Variants in CHRDL1 observed in about 807,000 individuals in gnomAD.
CHRDL1 encodes chordin-like protein 1.
In CHRDL1, 19 loss-of-function variants were observed where a neutral mutation model predicts 40.9. The observed-to-expected ratio is 0.46, with a 90% confidence interval of 0.32 to 0.68. The LOEUF (loss-of-function observed/expected upper bound fraction) is 0.68, where lower values mean the gene tolerates loss of function less well. Among genes scored for constraint, CHRDL1 ranks in the 30% least tolerant of loss-of-function variants. The pLI, the probability that CHRDL1 is intolerant of heterozygous loss-of-function variation, is 0.03. For synonymous variants in CHRDL1, 136 were observed against 123.4 expected (o/e 1.10, Z -0.68); for missense variants, 329 against 352.1 (o/e 0.93, Z 0.53).
At chrX:110,755,643 C>T (rs984641984) in intron 4 of CHRDL1, among the ~76,000 whole-genome samples, 23 of 112,012 alleles carry the variant, frequency 2.1e-4, no homozygotes, top group African/African-American at 7.5e-4. Flanking sequence ...CTGGGGTATA[C>T]AGTTTGCTTA....
chrX:110,688,096 A>G (rs2070063633), intron 9 of CHRDL1, among the ~76,000 whole-genome samples: 1 of 111,334 alleles, frequency 9.0e-6, no homozygotes, highest in Non-Finnish European at 1.9e-5. Context: ...TAATTTTTCT[A>G]AACTTTCAAT....
At chrX:110,698,209 T>A (rs2070440474) in intron 7 of CHRDL1, among the ~76,000 whole-genome samples, 1 of 111,363 alleles carries the variant, frequency 9.0e-6, no homozygotes, top group Non-Finnish European at 1.9e-5. Flanking sequence ...GCAAAGGATA[T>A]TCAGAAGGGA....
At chrX:110,679,542 G>A in intron 10 of CHRDL1, 117 bp from the exon 11 acceptor site, 1 of 511,331 alleles carries the variant, frequency 2.0e-6, no homozygotes, top group Non-Finnish European at 3.4e-6. Context: ...AGAGTATCGA[G>A]TTGGGCTGTG....
At chrX:110,765,031 C>T (rs890480140) in intron 2 of CHRDL1, among the ~76,000 whole-genome samples, 1 of 111,445 alleles carries the variant, frequency 9.0e-6, no homozygotes, top group African/African-American at 3.3e-5. Flanking sequence ...CTGCTTTTGC[C>T]CTTTGAGTTG....
At chrX:110,697,386 G>A (rs993789749) in intron 7 of CHRDL1, among the ~76,000 whole-genome samples, 1 of 111,011 alleles carries the variant, frequency 9.0e-6, no homozygotes, top group Non-Finnish European at 1.9e-5. Context: ...ACCATTTGGG[G>A]AAACTGGGCA....
At chrX:110,686,891 C>CAAAAAAAAAAAAAAAAA (rs754055781) in intron 9 of CHRDL1, among the ~76,000 whole-genome samples, 2 of 85,353 alleles carry the variant, frequency 2.3e-5, no homozygotes, top group African/African-American at 5.4e-5. Context: ...CTCAAAAAAA[C>CAAAAAAAAAAAAAAAAA]AAAAAATAAA....
intron 2 of CHRDL1, among the ~76,000 whole-genome samples, chrX:110,765,831 C>A (rs1170922671): frequency 8.9e-6 from 1 of 111,773 alleles, no homozygotes. Flanking sequence ...TTAAACTATA[C>A]CTTGGAACAA....
chrX:110,676,367 A>G lies in CHRDL1; in HGVS notation c.1247-6T>C. Reference sequence around the variant, plus strand: ...GGTGAAGATCTTCCACTGGCCTAAAAGGCAAACAAACGCAAAGTGGCCGGG... The same window carrying G: ...GGTGAAGATCTTCCACTGGCCTAAAGGGCAAACAAACGCAAAGTGGCCGGG... On this transcript the variant is annotated splice_region_variant and splice_polypyrimidine_tract_variant and intron_variant, in intron 11 of 11. Transcript: ENST00000372042. 19 of 1,209,840 alleles carry G rather than the reference A, an allele frequency of 1.6e-5. No homozygotes were observed. Among genetic ancestry groups the G allele is most frequent in the Non-Finnish European group, 2.0e-5 (18 of 894,381 alleles).
At chrX:110,774,082 T>C (rs1019237116) in intron 2 of CHRDL1, among the ~76,000 whole-genome samples, 4 of 112,072 alleles carry the variant, frequency 3.6e-5, no homozygotes, top group African/African-American at 1.3e-4. Flanking sequence ...AGGACTGTTA[T>C]GTTTTCTTGG....
intron 6 of CHRDL1, among the ~76,000 whole-genome samples, chrX:110,702,833 C>T (rs1254232580): frequency 9.0e-6 from 1 of 111,561 alleles, no homozygotes; most frequent in Non-Finnish European, 1.9e-5. Flanking sequence ...ATTAGAATCC[C>T]CCCATGACAG....
Position 110,788,191 on chromosome X carries a change from T to C in CHRDL1, c.94+3897A>G, listed in dbSNP as rs149480964. Among the ~76,000 whole-genome samples the C allele has an allele frequency of 8.1e-3, 908 of 112,298 alleles. 2 individuals are homozygous for C. The highest frequency in any genetic ancestry group is 0.013 in the Non-Finnish European group (712 of 53,213). ...AAGCAACAAATGGCTCATTCATCCA[T>C]TGCAATGCACTATCAGTATTTTCGG... On this transcript the variant is annotated intron_variant, in intron 2 of 11. Transcript: ENST00000372042.
chrX:110,738,765 GA>G (rs1479981354), intron 4 of CHRDL1, among the ~76,000 whole-genome samples: 1 of 109,633 alleles, frequency 9.1e-6, no homozygotes, highest in Non-Finnish European at 1.9e-5. Flanking sequence ...CAATGAATAG[GA>G]TTAACATAAT....
At chrX:110,678,965 C>T (rs901627531) in intron 11 of CHRDL1, among the ~76,000 whole-genome samples, 5 of 111,546 alleles carry the variant, frequency 4.5e-5, no homozygotes, top group South Asian at 3.8e-4. Context: ...ATACCCACCA[C>T]CAGAGGATAC....
intron 2 of CHRDL1, among the ~76,000 whole-genome samples, chrX:110,783,741 G>A (rs1033348522): frequency 9.0e-6 from 1 of 111,234 alleles, no homozygotes; most frequent in Non-Finnish European, 1.9e-5. Flanking sequence ...GGCTATCTCT[G>A]CTACTTTAGG....
chrX:110,684,288 G>C (rs1446747964), intron 9 of CHRDL1, among the ~76,000 whole-genome samples: 1 of 112,230 alleles, frequency 8.9e-6, no homozygotes, highest in African/African-American at 3.2e-5. Flanking sequence ...TGGATTATCA[G>C]TGAATTTTAT....
chrX:110,744,575 G>A (rs568936684), intron 4 of CHRDL1, among the ~76,000 whole-genome samples: 2 of 111,771 alleles, frequency 1.8e-5, no homozygotes, highest in South Asian at 7.6e-4. Flanking sequence ...CATGAGTAGA[G>A]ATGGAGAAAG....
intron 2 of CHRDL1, among the ~76,000 whole-genome samples, chrX:110,767,451 C>T (rs1814914474): frequency 1.8e-5 from 2 of 110,422 alleles, no homozygotes; most frequent in Non-Finnish European, 3.8e-5. Context: ...CATAAGGAGT[C>T]TTCCAGAAAG....
chrX:110,791,603 C>A (rs1168587814), intron 2 of CHRDL1, among the ~76,000 whole-genome samples: 1 of 112,344 alleles, frequency 8.9e-6, no homozygotes, highest in Non-Finnish European at 1.9e-5. Context: ...CATTTTTCAT[C>A]TGAGCCCAGT....
chrX:110,770,483 T>A (rs1458348291), intron 2 of CHRDL1, among the ~76,000 whole-genome samples: 1 of 111,187 alleles, frequency 9.0e-6, no homozygotes, highest in Non-Finnish European at 1.9e-5. Flanking sequence ...ATCAATATCT[T>A]AAACTAGAAA....
Sources: allele counts gnomAD v4.1 joint callset (sites outside exome capture counted in the v4.1 genomes callset), GRCh38; gene constraint gnomAD v4.1.1; transcripts MANE v1.5; gene names NCBI Gene and HGNC (gene_info 2026-07-23, HGNC 2026-07-21).